Variants in ADAMTS3 observed in about 807,000 individuals in gnomAD.
ADAMTS3 encodes ADAM metallopeptidase with thrombospondin type 1 motif 3.
A neutral mutation model predicts 129.0 loss-of-function variants in ADAMTS3; 73 were observed. That is an observed-to-expected ratio of 0.57 (90% CI 0.47 to 0.69). The LOEUF (loss-of-function observed/expected upper bound fraction) is 0.69, where lower values mean the gene tolerates loss of function less well. ADAMTS3 is among the 30% of genes least tolerant of loss of function. The pLI is 0.00. For synonymous variants in ADAMTS3, 477 were observed against 510.8 expected, an observed-to-expected ratio of 0.93 and a Z score of 0.89; for missense variants, 1,457 against 1,514.5, an observed-to-expected ratio of 0.96 and a Z score of 0.63.
At chr4:72,319,286 T>C in intron 9 of ADAMTS3, 46 bp downstream of exon 9, 1 of 1,608,884 alleles carries the variant, frequency 6.2e-7, no homozygotes, top group Non-Finnish European at 8.5e-7. Flanking sequence ...TTCATGTCTG[T>C]AGGCTATAAA....
chr4:72,444,834 G>T (rs1718210648), intron 3 of ADAMTS3, among the ~76,000 whole-genome samples: 1 of 151,686 alleles, frequency 6.6e-6, no homozygotes, highest in Admixed American at 6.6e-5. Flanking sequence ...ATAAAATATG[G>T]TATAGCCATA....
intron 3 of ADAMTS3, among the ~76,000 whole-genome samples, chr4:72,472,620 G>A (rs1719102624): frequency 6.6e-6 from 1 of 152,052 alleles, no homozygotes; most frequent in South Asian, 2.1e-4. Context: ...ATTAAAATTA[G>A]ATTCTGTTCA....
chr4:72,399,024 T>C (rs1721801275), intron 4 of ADAMTS3, among the ~76,000 whole-genome samples: 1 of 152,242 alleles, frequency 6.6e-6, no homozygotes, highest in Non-Finnish European at 1.5e-5. Flanking sequence ...CACTAGTTGT[T>C]CTACTTCATT....
rs180881491 is a variant in ADAMTS3 at position 72,407,416 on chromosome 4, C to T, written c.661+7399G>A. 5.3e-5 allele frequency among the ~76,000 whole-genome samples: 8 copies of T among 152,148 alleles called. No homozygotes were observed. The East Asian group carries it at 7.7e-4, about 15-fold the overall frequency. ...TTTTGGTGAGACAAGAACCTCTGGGCTTAGACATGGCTTTTATCCCTGTAG... is the reference window on the plus strand; with the variant it reads ...TTTTGGTGAGACAAGAACCTCTGGGTTTAGACATGGCTTTTATCCCTGTAG... On this transcript the variant is annotated intron_variant, in intron 4 of 21. Transcript: ENST00000286657.
At chr4:72,489,965 CA>C (rs570304661) in intron 3 of ADAMTS3, among the ~76,000 whole-genome samples, 322 of 151,766 alleles carry the variant, frequency 2.1e-3, no homozygotes, top group Non-Finnish European at 3.9e-3. Context: ...AGTGCTGCAC[CA>C]TTTACATTCC....
At chr4:72,367,226 A>AT (rs564709086) in intron 4 of ADAMTS3, among the ~76,000 whole-genome samples, 79 of 152,090 alleles carry the variant, frequency 5.2e-4, no homozygotes, top group African/African-American at 1.8e-3. Context: ...CCACCAAAGC[A>AT]TTTTTTTCTA....
At chr4:72,311,333 A>G (rs1174738616) in intron 13 of ADAMTS3, 152 bp from the exon 14 acceptor site, 4 of 715,898 alleles carry the variant, frequency 5.6e-6, no homozygotes, top group African/African-American at 1.8e-5. Flanking sequence ...AGTAAGGAGG[A>G]AAGTATGTAC....
At chr4:72,286,807 A>G (rs909678545) in intron 21 of ADAMTS3, among the ~76,000 whole-genome samples, 1 of 152,096 alleles carries the variant, frequency 6.6e-6, no homozygotes, top group Admixed American at 6.6e-5. Flanking sequence ...AGAGTGCAAC[A>G]AACAGATGGG....
intron 3 of ADAMTS3, among the ~76,000 whole-genome samples, chr4:72,498,713 A>ATAT (rs536847822): frequency 1.8e-4 from 27 of 151,918 alleles, no homozygotes; most frequent in African/African-American, 5.5e-4. Flanking sequence ...TAGAACTAAA[A>ATAT]TATTCTTGGA....
intron 2 of ADAMTS3, among the ~76,000 whole-genome samples, chr4:72,552,113 A>C (rs1721660346): frequency 6.6e-6 from 1 of 152,210 alleles, no homozygotes; most frequent in Non-Finnish European, 1.5e-5. Context: ...AATTTACTGC[A>C]TTCATAATTT....
At chr4:72,303,621 G>A (rs991679975) in intron 17 of ADAMTS3, among the ~76,000 whole-genome samples, 1 of 151,586 alleles carries the variant, frequency 6.6e-6, no homozygotes, top group Non-Finnish European at 1.5e-5. Context: ...ATACAAAATG[G>A]TAAATATGTG....
intron 17 of ADAMTS3, among the ~76,000 whole-genome samples, chr4:72,299,030 T>A (rs1718883964): frequency 6.7e-6 from 1 of 149,534 alleles, no homozygotes; most frequent in Non-Finnish European, 1.5e-5. Flanking sequence ...ATTATTGTGA[T>A]AGTCCCTCAA....
At chr4:72,452,882 T>C (rs1718443670) in intron 3 of ADAMTS3, among the ~76,000 whole-genome samples, 1 of 151,780 alleles carries the variant, frequency 6.6e-6, no homozygotes, top group South Asian at 2.1e-4. Context: ...TAGTTGATGA[T>C]CTCTGAAGGG....
chr4:72,476,735 C>CA lies in ADAMTS3; in HGVS notation c.505-61765dup, dbSNP rs1263102443. Among the ~76,000 whole-genome samples the CA allele has an allele frequency of 9.9e-5, 15 of 151,934 alleles. No homozygotes were observed. In the South Asian group the frequency reaches 2.9e-3, roughly 29 times the overall value. ...TCAACATTCCTCATAAATATTCATGCAAAAAATCATTAACAAAATATTGCA... is the reference window on the plus strand; with the variant it reads ...TCAACATTCCTCATAAATATTCATGCAAAAAAATCATTAACAAAATATTGCA... On this transcript the variant is annotated intron_variant, in intron 3 of 21. Coordinates refer to ENST00000286657, the MANE Select transcript of ADAMTS3 (RefSeq NM_014243.3).
At chr4:72,542,496 A>T (rs1055218923) in intron 3 of ADAMTS3, among the ~76,000 whole-genome samples, 2 of 152,192 alleles carry the variant, frequency 1.3e-5, no homozygotes, top group African/African-American at 4.8e-5. Flanking sequence ...TATCGTTGTC[A>T]ATCCATTATT....
At chr4:72,370,582 T>C (rs1472326157) in intron 4 of ADAMTS3, among the ~76,000 whole-genome samples, 3 of 152,082 alleles carry the variant, frequency 2.0e-5, no homozygotes, top group African/African-American at 7.2e-5. Flanking sequence ...ATCCCATCTC[T>C]ACTGAAAATA....
At chr4:72,358,439 G>A (rs1414861760) in intron 4 of ADAMTS3, among the ~76,000 whole-genome samples, 1 of 151,924 alleles carries the variant, frequency 6.6e-6, no homozygotes, top group Middle Eastern at 3.2e-3. Context: ...TCCCGAAACA[G>A]CTAGTTTGGG....
intron 4 of ADAMTS3, among the ~76,000 whole-genome samples, chr4:72,391,917 G>T (rs756814852): frequency 6.6e-6 from 1 of 152,048 alleles, no homozygotes; most frequent in Non-Finnish European, 1.5e-5. Context: ...TCCTGAAAAC[G>T]CGTAGAAAAC....
intron 4 of ADAMTS3, among the ~76,000 whole-genome samples, chr4:72,362,581 T>C (rs1009252276): frequency 1.3e-5 from 2 of 152,176 alleles, no homozygotes; most frequent in African/African-American, 4.8e-5. Context: ...CTCTGCAGAC[T>C]ATCATTTATA....
Sources: allele counts gnomAD v4.1 joint callset (sites outside exome capture counted in the v4.1 genomes callset), GRCh38; gene constraint gnomAD v4.1.1; transcripts MANE v1.5; gene names NCBI Gene and HGNC (gene_info 2026-07-23, HGNC 2026-07-21).